CPVL: variants seen among roughly 807,000 people sequenced by gnomAD.
CPVL encodes the protein probable serine carboxypeptidase CPVL.
Under a neutral mutation model 63.7 loss-of-function variants are expected in CPVL, and 51 were observed. That is an observed-to-expected ratio of 0.80 (90% CI 0.64 to 1.01). CPVL has a LOEUF of 1.01. Ranked by LOEUF, CPVL falls within the 50% of genes least tolerant of loss-of-function variation. The pLI is 0.00. For missense variants in CPVL, 530 were observed against 573.1 expected, an observed-to-expected ratio of 0.92 and a Z score of 0.77; for synonymous variants, 195 against 206.0, an observed-to-expected ratio of 0.95 and a Z score of 0.46.
At chr7:29,128,175 GTTTTTTTTTTTTTTT>G (rs67806252) in intron 1 of CPVL, 7 of 139,604 alleles carry the variant, frequency 5.0e-5, no homozygotes, top group African/African-American at 1.6e-4. Flanking sequence ...AAAGTTAAGA[GTTTTTTTTTTTTTTT>G]TTTTTTTTTT....
At chr7:29,117,422 T>C (rs1220238371) in intron 2 of CPVL, among the ~76,000 whole-genome samples, 4 of 152,254 alleles carry the variant, frequency 2.6e-5, no homozygotes, top group Non-Finnish European at 4.4e-5. Context: ...ACTTAATGCC[T>C]TTGTTTAAGC....
chr7:29,186,979 G>GA (rs1185349736), intron 1 of CPVL, among the ~76,000 whole-genome samples: 1 of 152,094 alleles, frequency 6.6e-6, no homozygotes, highest in African/African-American at 2.4e-5. Flanking sequence ...TCCCCAAATG[G>GA]AAAATGAGGA....
chr7:29,133,900 T>C (rs1294106609), intron 1 of CPVL, among the ~76,000 whole-genome samples: 1 of 152,186 alleles, frequency 6.6e-6, no homozygotes, highest in African/African-American at 2.4e-5. Context: ...TACTGGTTAC[T>C]GCAGAAGGCA....
intron 6 of CPVL, among the ~76,000 whole-genome samples, chr7:29,091,490 C>T (rs1785782477): frequency 6.6e-6 from 1 of 152,138 alleles, no homozygotes; most frequent in Non-Finnish European, 1.5e-5. Flanking sequence ...CTGAAGAAGC[C>T]TGTGAGGAGG....
At chr7:29,190,259 G>A (rs777285985) in intron 1 of CPVL, among the ~76,000 whole-genome samples, 4 of 152,232 alleles carry the variant, frequency 2.6e-5, no homozygotes, top group Non-Finnish European at 5.9e-5. Flanking sequence ...TCAGGGTACG[G>A]TAGAGTACTT....
chr7:28,999,096 C>G (rs1425473906), intron 12 of CPVL, among the ~76,000 whole-genome samples: 1 of 151,586 alleles, frequency 6.6e-6, no homozygotes, highest in Non-Finnish European at 1.5e-5. Flanking sequence ...CCTGTAATCC[C>G]AACTACTGGG....
At chr7:29,029,808 C>T (rs549053568) in intron 12 of CPVL, among the ~76,000 whole-genome samples, 2 of 152,038 alleles carry the variant, frequency 1.3e-5, no homozygotes, top group Non-Finnish European at 2.9e-5. Context: ...TTGAAATGTT[C>T]CCAATATAAT....
At chr7:29,177,194 C>T (rs1797459829) in intron 5 of CPVL, among the ~76,000 whole-genome samples, 1 of 151,654 alleles carries the variant, frequency 6.6e-6, no homozygotes, top group Non-Finnish European at 1.5e-5. Flanking sequence ...TAATTTATAC[C>T]TATATAGGAG....
Position 29,151,658 on chromosome 7 carries a change from G to A in CPVL, c.-11+29632C>T, listed in dbSNP as rs977833777. On this transcript the variant is annotated intron_variant, in intron 5 of 16. Coordinates refer to the CPVL transcript ENST00000409850. ...TTGATATTATGATGAACCTGCCAGT[G>A]TGCTCAGGATAGTATCTGATTAAGG... Among the ~76,000 whole-genome samples, 75 of 152,304 alleles carry A rather than the reference G, an allele frequency of 4.9e-4. 2 individuals carry two copies. Among genetic ancestry groups the A allele is most frequent in the African/African-American group, 1.7e-3 (69 of 41,546 alleles).
At chr7:29,128,658 T>C (rs1038593784) in intron 1 of CPVL, among the ~76,000 whole-genome samples, 12 of 145,566 alleles carry the variant, frequency 8.2e-5, no homozygotes, top group African/African-American at 3.1e-4. Context: ...GGAGGTTGCA[T>C]GAGCTGAGAT....
At chr7:29,144,197 T>C (rs1792202236) in intron 1 of CPVL, among the ~76,000 whole-genome samples, 1 of 152,194 alleles carries the variant, frequency 6.6e-6, no homozygotes, top group African/African-American at 2.4e-5. Flanking sequence ...AATCTCACAT[T>C]ATAAAGCCAT....
intron 5 of CPVL, 35 bp downstream of exon 5, chr7:29,095,049 A>G: frequency 6.5e-7 from 1 of 1,531,500 alleles, no homozygotes; most frequent in Non-Finnish European, 9.1e-7. Context: ...AGGAGACGCC[A>G]GCACTGACAG....
rs1292769653 is a variant in CPVL at position 29,121,005 on chromosome 7, G to A, written c.57C>T (p.Pro19=). 1 of 1,613,256 alleles carries A rather than the reference G, an allele frequency of 6.2e-7. No homozygotes were observed. The highest frequency in any genetic ancestry group is 8.5e-7 in the Non-Finnish European group (1 of 1,179,634). The change falls in exon 2 of 13, where the codon CCC becomes CCT. Residue 19 remains proline, a synonymous_variant. Transcript: ENST00000265394. ...IVSLVLLMPG[P]CDGLFRSLYR... Reference sequence around the variant, plus strand: ...ATAGGGAGCGAAACAGCCCATCACAGGGGCCAGGCATCAACAGGACCAGCG... The same window carrying A: ...ATAGGGAGCGAAACAGCCCATCACAAGGGCCAGGCATCAACAGGACCAGCG...
chr7:29,172,266 G>A (rs1796703216), intron 5 of CPVL, among the ~76,000 whole-genome samples: 1 of 152,160 alleles, frequency 6.6e-6, no homozygotes, highest in African/African-American at 2.4e-5. Context: ...TTGAAAGCAT[G>A]GTTGCTGTGG....
intron 11 of CPVL, among the ~76,000 whole-genome samples, chr7:29,050,856 A>G (rs1369651858): frequency 1.3e-5 from 2 of 152,166 alleles, no homozygotes; most frequent in African/African-American, 2.4e-5. Flanking sequence ...AAACTATACT[A>G]TAAGGCCACA....
At chr7:29,046,117 T>C (rs532366624) in intron 11 of CPVL, among the ~76,000 whole-genome samples, 14 of 150,750 alleles carry the variant, frequency 9.3e-5, no homozygotes, top group African/African-American at 3.4e-4. Flanking sequence ...TGGAGTCTTG[T>C]TCTGTCACCC....
At chr7:29,191,176 C>G (rs1183347503) in intron 1 of CPVL, among the ~76,000 whole-genome samples, 1 of 152,148 alleles carries the variant, frequency 6.6e-6, no homozygotes, top group East Asian at 1.9e-4. Context: ...AAGGGATCCT[C>G]CCACCTCAAC....
intron 1 of CPVL, chr7:29,194,667 G>A: frequency 2.9e-6 from 1 of 346,684 alleles, no homozygotes; most frequent in South Asian, 1.2e-4. Flanking sequence ...GCTGCCCCTC[G>A]GCCTCCCTCT....
intron 1 of CPVL, among the ~76,000 whole-genome samples, chr7:29,134,189 A>G (rs1336598475): frequency 6.6e-6 from 1 of 152,224 alleles, no homozygotes; most frequent in African/African-American, 2.4e-5. Context: ...TAAGGACTCT[A>G]TACCTTCATT....
Sources: gnomAD v4.1 joint callset for allele counts (sites outside exome capture counted in the v4.1 genomes callset) on GRCh38, gnomAD v4.1.1 for gene constraint, MANE v1.5 for transcripts, NCBI Gene and HGNC (gene_info 2026-07-23, HGNC 2026-07-21) for gene names.